PDLIM5: variants seen among roughly 807,000 people sequenced by gnomAD.
PDLIM5 encodes the protein PDZ and LIM domain 5, also known as PDZ and LIM domain protein 5.
In PDLIM5, 34 loss-of-function variants were observed where a neutral mutation model predicts 64.2. The observed-to-expected ratio is 0.53, with a 90% CI of 0.40 to 0.71. The LOEUF is 0.71. Among genes scored for constraint, PDLIM5 ranks in the 30% least tolerant of loss-of-function variants. The pLI, the probability that PDLIM5 is intolerant of heterozygous loss-of-function variation, is 0.00. For synonymous variants in PDLIM5, 253 were observed against 269.1 expected (o/e 0.94, Z 0.59); for missense variants, 683 against 733.6 (o/e 0.93, Z 0.80).
intron 11 of PDLIM5, among the ~76,000 whole-genome samples, chr4:94,661,099 A>G (rs1742673970): frequency 6.6e-6 from 1 of 152,114 alleles, no homozygotes; most frequent in African/African-American, 2.4e-5. Context: ...GACAAAAAAG[A>G]AAAGAAAATT....
chr4:94,621,089 AAAAAAAAAAG>A (rs1739199381), intron 8 of PDLIM5, among the ~76,000 whole-genome samples: 2 of 136,890 alleles, frequency 1.5e-5, no homozygotes, highest in Non-Finnish European at 1.6e-5. Context: ...AAAAAAAAAA[AAAAAAAAAAG>A]CTAGAAGTAT....
At chr4:94,459,987 A>G (rs1723731709) in intron 2 of PDLIM5, among the ~76,000 whole-genome samples, 1 of 152,228 alleles carries the variant, frequency 6.6e-6, no homozygotes, top group Non-Finnish European at 1.5e-5. Context: ...TCAAGCTGAA[A>G]TGAGAGAGCC....
intron 7 of PDLIM5, among the ~76,000 whole-genome samples, chr4:94,604,001 C>T (rs754307560): frequency 6.6e-6 from 1 of 152,152 alleles, no homozygotes; most frequent in Non-Finnish European, 1.5e-5. Context: ...TGGGCTACTG[C>T]TCATAGGAGA....
At chr4:94,647,488 T>G (rs1180579237) in intron 9 of PDLIM5, among the ~76,000 whole-genome samples, 1 of 151,960 alleles carries the variant, frequency 6.6e-6, no homozygotes, top group African/African-American at 2.4e-5. Flanking sequence ...AGCATCAAAA[T>G]AAGTGAAATA....
At position 94,586,454 on chromosome 4, in the gene PDLIM5, C is replaced by CT. The variant is rs1350884333; in HGVS notation, c.920+11dup. ...ATACAAAGAAGGCAAAGTAAGTTCT[C>CT]TATCTTTTTGACAATTGAATGTTTT... On this transcript the variant is annotated intron_variant, in intron 7 of 12. Transcript: ENST00000317968. The CT allele has an allele frequency of 8.0e-6, 12 of 1,494,266 alleles. No individual in the cohort carries two copies. Among genetic ancestry groups the CT allele is most frequent in the Non-Finnish European group, 1.0e-5 (11 of 1,076,102 alleles). 92.6% of individuals were successfully genotyped at this position (1,494,266 alleles called of 1,614,324 possible). A position where few individuals can be genotyped will look rare whatever the true frequency, so the allele number is the denominator to read the frequency against.
In PDLIM5 at chr4:94,585,673, A is replaced by G. The variant is rs115214197; in HGVS notation, c.819A>G (p.Pro273=). Residue 273 remains proline (P), a synonymous_variant, in exon 6 of 13, where the codon CCA becomes CCG. Coordinates refer to ENST00000317968, the MANE Select transcript of PDLIM5 (RefSeq NM_006457.5). ...RLIEDTEDWR[P]RTGTTQSRSF... ...TTGAGGATACTGAAGACTGGCGTCC[A>G]AGGACTGGAACAACTCAGTCTCGCT... The G allele has an allele frequency of 9.9e-6, 16 of 1,613,612 alleles. No individual in the cohort carries two copies. In the East Asian group the frequency reaches 3.6e-4, roughly 36 times the overall value.
chr4:94,598,495 T>C (rs1737238473), intron 7 of PDLIM5, among the ~76,000 whole-genome samples: 1 of 152,152 alleles, frequency 6.6e-6, no homozygotes, highest in South Asian at 2.1e-4. Context: ...GGCTGGTTCT[T>C]TGACCTAAAT....
intron 12 of PDLIM5, 52 bp downstream of exon 12, chr4:94,662,589 G>C (rs762981812): frequency 1.4e-6 from 1 of 726,672 alleles, no homozygotes; most frequent in South Asian, 1.9e-5. Flanking sequence ...GCCAATTCTA[G>C]CTTTAGTATT....
Position 94,582,897 on chromosome 4 carries a change from A to G in PDLIM5, c.711-2668A>G, listed in dbSNP as rs547147415. 9 of 593,976 alleles carry G rather than the reference A, an allele frequency of 1.5e-5. No homozygotes were observed. In the African/African-American group the frequency reaches 1.7e-4, roughly 11 times the overall value. The allele number at this position is 593,976 out of a possible 1,614,324, so 36.8% of individuals were successfully genotyped here. ...TTTTTTTTATGCTAGATAATTTTGT[A>G]TGCATCAGAGGTATGTTTAGAACAC... On this transcript the variant is annotated intron_variant, in intron 5 of 12. Transcript: ENST00000317968.
At chr4:94,543,293 T>A (rs764965036) in intron 3 of PDLIM5, among the ~76,000 whole-genome samples, 26 of 152,172 alleles carry the variant, frequency 1.7e-4, no homozygotes, top group Non-Finnish European at 3.1e-4. Flanking sequence ...GTTTTTTTTT[T>A]AATTATTTCT....
chr4:94,461,829 TAGG>T (rs1723908054), intron 2 of PDLIM5, among the ~76,000 whole-genome samples: 1 of 151,930 alleles, frequency 6.6e-6, no homozygotes, highest in East Asian at 1.9e-4. Flanking sequence ...GAAATGTTAA[TAGG>T]AGGGAATGAG....
intron 3 of PDLIM5, among the ~76,000 whole-genome samples, chr4:94,571,174 T>A (rs1025108786): frequency 6.6e-6 from 1 of 152,226 alleles, no homozygotes; most frequent in Non-Finnish European, 1.5e-5. Flanking sequence ...TGGCATAATT[T>A]TTCCTATACA....
At chr4:94,660,656 A>G (rs1316103800) in intron 11 of PDLIM5, among the ~76,000 whole-genome samples, 5 of 152,182 alleles carry the variant, frequency 3.3e-5, no homozygotes, top group Non-Finnish European at 7.3e-5. Context: ...CAGTGCCTTG[A>G]ACAATGCCTG....
chr4:94,585,755 T>C lies in PDLIM5; in HGVS notation c.883+18T>C, dbSNP rs1458983060. On this transcript the variant is annotated intron_variant, in intron 6 of 12. Transcript: ENST00000317968. ...TGAACATTGTAAGTGAACTTCTAGGTATCCTAATGGATGAATGTTTTTTTG... is the reference window on the plus strand; with the variant it reads ...TGAACATTGTAAGTGAACTTCTAGGCATCCTAATGGATGAATGTTTTTTTG... 1.5e-5 allele frequency: 24 copies of C among 1,599,296 alleles called. No homozygotes were observed. The highest frequency in any genetic ancestry group is 2.1e-5 in the Non-Finnish European group (24 of 1,167,470).
At chr4:94,637,718 C>T (rs970072351) in intron 8 of PDLIM5, among the ~76,000 whole-genome samples, 3 of 152,146 alleles carry the variant, frequency 2.0e-5, no homozygotes, top group African/African-American at 7.2e-5. Context: ...AGGGACTTGA[C>T]TTTCAGGACT....
intron 7 of PDLIM5, chr4:94,608,238 T>C (rs1738084726): frequency 1.7e-6 from 2 of 1,194,796 alleles, no homozygotes; most frequent in African/African-American, 1.5e-5. Flanking sequence ...TTAAATATAC[T>C]AAACTGTTTG....
At chr4:94,480,492 C>G (rs1725750291) in intron 2 of PDLIM5, among the ~76,000 whole-genome samples, 1 of 152,128 alleles carries the variant, frequency 6.6e-6, no homozygotes, top group Non-Finnish European at 1.5e-5. Flanking sequence ...CTTAGGGACC[C>G]AGAGAGATGA....
intron 7 of PDLIM5, among the ~76,000 whole-genome samples, chr4:94,590,784 C>A (rs1428972491): frequency 1.3e-5 from 2 of 152,232 alleles, no homozygotes; most frequent in Admixed American, 1.3e-4. Flanking sequence ...AAACAGAACT[C>A]CTGTACATAG....
rs879029738 is a variant in PDLIM5 at position 94,608,012 on chromosome 4, T to C, written c.921-9992T>C. 7.3e-6 allele frequency: 10 copies of C among 1,371,510 alleles called. 1 individual carries two copies. In the Admixed American group the frequency reaches 1.1e-4, roughly 15 times the overall value. 85.0% of individuals were successfully genotyped at this position (1,371,510 alleles called of 1,614,324 possible). On this transcript the variant is annotated intron_variant, in intron 7 of 12. Coordinates refer to ENST00000317968, the MANE Select transcript of PDLIM5 (RefSeq NM_006457.5). ...AGATGATAAATGTCTTTTGTACTTTTCATTAATATTTCCTTTGCCTTATAT... is the reference window on the plus strand; with the variant it reads ...AGATGATAAATGTCTTTTGTACTTTCCATTAATATTTCCTTTGCCTTATAT...
Sources: allele counts gnomAD v4.1 joint callset (sites outside exome capture counted in the v4.1 genomes callset), GRCh38; gene constraint gnomAD v4.1.1; transcripts MANE v1.5; gene names NCBI Gene and HGNC (gene_info 2026-07-23, HGNC 2026-07-21).